Variants in ZNF236 observed in about 807,000 individuals in gnomAD.
ZNF236 encodes regulated by glucose.
ZNF236 carries 50 observed loss-of-function variants against 191.2 expected under a neutral mutation model. That is an observed-to-expected ratio of 0.26 (90% CI 0.21 to 0.33). The LOEUF (loss-of-function observed/expected upper bound fraction) is 0.33. Ranked by LOEUF, ZNF236 falls within the 10% of genes least tolerant of loss-of-function variation. ZNF236 has a pLI of 1.00. For missense variants in ZNF236, 1,754 were observed against 2,374.5 expected, an observed-to-expected ratio of 0.74 and a Z score of 5.43; for synonymous variants, 907 against 928.8, an observed-to-expected ratio of 0.98 and a Z score of 0.43.
chr18:76,952,725 T>C (rs1283406214), intron 27 of ZNF236, among the ~76,000 whole-genome samples: 1 of 152,214 alleles, frequency 6.6e-6, no homozygotes, highest in African/African-American at 2.4e-5. Flanking sequence ...GGAGGACTGC[T>C]TGAGCCCAGG....
At chr18:76,940,828 T>C (rs1222784898) in intron 26 of ZNF236, among the ~76,000 whole-genome samples, 3 of 152,154 alleles carry the variant, frequency 2.0e-5, no homozygotes, top group African/African-American at 7.2e-5. Flanking sequence ...CTGTCCATGG[T>C]CTGTTAGCAT....
rs1022629944 is a variant in ZNF236 at position 76,956,191 on chromosome 18, A to G, written c.5112+9A>G. ...GCGCCACGCACCTCAAGGTAGGCCCACTGTGCCAGGGCACAGCTGTGTGCC... is the reference window on the plus strand; with the variant it reads ...GCGCCACGCACCTCAAGGTAGGCCCGCTGTGCCAGGGCACAGCTGTGTGCC... On this transcript the variant is annotated intron_variant, in intron 28 of 30. Transcript: ENST00000320610. 17 of 1,544,206 alleles carry G rather than the reference A, an allele frequency of 1.1e-5. No homozygotes were observed. The highest frequency in any genetic ancestry group is 1.4e-5 in the Non-Finnish European group (16 of 1,147,524).
intron 30 of ZNF236, among the ~76,000 whole-genome samples, chr18:76,966,319 T>G (rs1013463963): frequency 1.3e-5 from 2 of 151,788 alleles, no homozygotes; most frequent in Admixed American, 6.6e-5. Context: ...AAGTTGGCTA[T>G]GGACTGCCCC....
chr18:76,829,345 T>C (rs866036876), intron 1 of ZNF236, among the ~76,000 whole-genome samples: 1 of 140,792 alleles, frequency 7.1e-6, no homozygotes, highest in Non-Finnish European at 1.5e-5. Flanking sequence ...TTTTTTTTTT[T>C]TGGACGGAGT....
intron 18 of ZNF236, among the ~76,000 whole-genome samples, chr18:76,914,530 G>A (rs1213018066): frequency 2.6e-5 from 4 of 152,168 alleles, no homozygotes; most frequent in African/African-American, 9.7e-5. Context: ...GAGGGCTCTG[G>A]TTTCCCCACA....
intron 3 of ZNF236, among the ~76,000 whole-genome samples, chr18:76,865,800 A>T (rs1286271312): frequency 6.6e-6 from 1 of 152,250 alleles, no homozygotes; most frequent in Non-Finnish European, 1.5e-5. Context: ...TGCATTTGTT[A>T]TATGTAAAGT....
chr18:76,960,609 C>T lies in ZNF236; in HGVS notation c.5243-70C>T. 1 of 1,572,022 alleles carries T rather than the reference C, an allele frequency of 6.4e-7. No homozygotes were observed. Among genetic ancestry groups the T allele is most frequent in the Non-Finnish European group, 8.7e-7 (1 of 1,144,222 alleles). On this transcript the variant is annotated intron_variant, in intron 29 of 30. Coordinates refer to ENST00000320610, the MANE Select transcript of ZNF236 (RefSeq NM_001306089.2). This position sits in a 1 kb window ranked among gnomAD's most constrained non-coding sequence, Gnocchi z 4.4. ...GAACATTCAGTCCCTCTTGTTCATA[C>T]CTCAGGGTAGAGCCCAGGCATCCAC...
At chr18:76,868,021 A>G (rs1022786720) in intron 3 of ZNF236, among the ~76,000 whole-genome samples, 3 of 152,170 alleles carry the variant, frequency 2.0e-5, no homozygotes, top group African/African-American at 7.2e-5. Flanking sequence ...ATGTTAATAT[A>G]TTTATTAAAA....
rs779572638 is a variant in ZNF236, at chr18:76,913,849, C to T, written c.3012C>T (p.Arg1004=). 8.1e-6 allele frequency: 13 copies of T among 1,614,234 alleles called. No individual in the cohort carries two copies. Among genetic ancestry groups the T allele is most frequent in the Middle Eastern group, 1.7e-4 (1 of 6,058 alleles). Residue 1004 remains arginine, a synonymous_variant, in exon 18 of 31, where the codon CGC becomes CGT. Transcript: ENST00000320610. The part of the protein sequence containing the change: ...EKPYKCKLCG[R]GFVSSGVLKS... ...CCTACAAGTGCAAGCTCTGTGGACG[C>T]GGCTTTGTTTCCTCTGGGGTCCTCA...
rs1262194163 is a variant in ZNF236 at position 76,865,775 on chromosome 18, T to TA, written c.364-2909dup. Among the ~76,000 whole-genome samples, 8 of 152,218 alleles carry TA rather than the reference T, an allele frequency of 5.3e-5. 1 individual carries two copies. The highest frequency in any genetic ancestry group is 1.9e-4 in the African/African-American group (8 of 41,458). Reference sequence around the variant, plus strand: ...ACATTGGATTGGAGTAGTAAAAAGTTACAGTTAAAATGGGTGCATTTGTTA... The same window carrying TA: ...ACATTGGATTGGAGTAGTAAAAAGTTAACAGTTAAAATGGGTGCATTTGTTA... On this transcript the variant is annotated intron_variant, in intron 3 of 30. Coordinates refer to ENST00000320610, the MANE Select transcript of ZNF236 (RefSeq NM_001306089.2).
At chr18:76,900,862 A>G (rs1351524605) in intron 11 of ZNF236, among the ~76,000 whole-genome samples, 2 of 152,212 alleles carry the variant, frequency 1.3e-5, no homozygotes, top group African/African-American at 4.8e-5. Flanking sequence ...GTTTTTCCAC[A>G]GATTGGGGGT....
At chr18:76,828,645 T>C (rs1460418746) in intron 1 of ZNF236, among the ~76,000 whole-genome samples, 1 of 152,142 alleles carries the variant, frequency 6.6e-6, no homozygotes. Flanking sequence ...TTGAACTTTT[T>C]AGGTAGGCCG....
At chr18:76,933,761 G>C (rs2122866960) in intron 25 of ZNF236, among the ~76,000 whole-genome samples, 1 of 152,278 alleles carries the variant, frequency 6.6e-6, no homozygotes, top group Admixed American at 6.5e-5. Flanking sequence ...GGAAGCAATT[G>C]TTCATATATT....
intron 27 of ZNF236, among the ~76,000 whole-genome samples, chr18:76,954,919 G>A (rs1399445834): frequency 6.6e-6 from 1 of 151,956 alleles, no homozygotes. Context: ...TAATAATATA[G>A]CACCCTGTAT....
chr18:76,937,609 A>G (rs555645026), intron 26 of ZNF236, among the ~76,000 whole-genome samples: 4 of 152,328 alleles, frequency 2.6e-5, no homozygotes, highest in African/African-American at 7.2e-5. Context: ...ATTTTAATGT[A>G]TATATCCTTC....
rs1490719836 is a variant in ZNF236 at position 76,905,169 on chromosome 18, A to G, written c.2051A>G (p.Glu684Gly). 6.2e-7 allele frequency: 1 copy of G among 1,613,294 alleles called. No individual in the cohort carries two copies. Among genetic ancestry groups the G allele is most frequent in the South Asian group, 1.1e-5 (1 of 90,874 alleles). The change falls in exon 13 of 31, where the codon GAA becomes GGA. Residue 684 changes from glutamate to glycine, a missense_variant. By Grantham distance (98) the Glu-to-Gly change is moderately conservative. Coordinates refer to ENST00000320610, the MANE Select transcript of ZNF236 (RefSeq NM_001306089.2). The stretch of plus-strand genomic sequence containing the variant: ...TTTTTTTTAAGATCCCATACAGGTG[A>G]AAAACCTTTTAAATGTTCTCAGTGT... ...LKQHIRSHTG[E>G]KPFKCSQCGR...
chr18:76,840,775 C>CTCTGTGTGTGTGTGTG, intron 1 of ZNF236: 1 of 114,930 alleles, frequency 8.7e-6, no homozygotes, highest in South Asian at 3.3e-4. Flanking sequence ...TCTTTATAAC[C>CTCTGTGTGTGTGTGTG]TGTGTGTGTG....
At chr18:76,926,134 T>C (rs1967670310) in intron 22 of ZNF236, among the ~76,000 whole-genome samples, 1 of 152,242 alleles carries the variant, frequency 6.6e-6, no homozygotes, top group Non-Finnish European at 1.5e-5. Context: ...CTTTTTGAGC[T>C]ACTTTTCTGA....
chr18:76,823,942 G>C (rs545696350), intron 1 of ZNF236, among the ~76,000 whole-genome samples: 2 of 152,324 alleles, frequency 1.3e-5, no homozygotes, highest in South Asian at 4.2e-4. Context: ...CTGGAGCGGC[G>C]CTCCGCGTTT....
Sources: gnomAD v4.1 joint callset for allele counts (sites outside exome capture counted in the v4.1 genomes callset) on GRCh38, gnomAD v4.1.1 for gene constraint, Gnocchi (gnomAD v3.1) non-coding constraint, MANE v1.5 for transcripts, NCBI Gene and HGNC (gene_info 2026-07-23, HGNC 2026-07-21) for gene names.